RAPGEF2: variants seen among roughly 807,000 people sequenced by gnomAD.
The protein encoded by RAPGEF2 is PDZ domain containing guanine nucleotide exchange factor (GEF) 1.
In RAPGEF2, 54 loss-of-function variants were observed where a neutral mutation model predicts 186.7. The ratio of observed to expected loss-of-function variants is 0.29; its 90% CI spans 0.23 to 0.36. The LOEUF (loss-of-function observed/expected upper bound fraction) is 0.36, where lower values mean the gene tolerates loss of function less well. Ranked by LOEUF, RAPGEF2 falls within the 10% of genes least tolerant of loss-of-function variation. The pLI, the probability that RAPGEF2 is intolerant of heterozygous loss-of-function variation, is 1.00. For missense variants in RAPGEF2, 1,532 were observed against 2,045.0 expected (o/e 0.75, Z 4.84); for synonymous variants, 712 against 705.9 (o/e 1.01, Z -0.14).
Position 159,330,965 on chromosome 4 carries a change from A to G in RAPGEF2, c.1468-466A>G, listed in dbSNP as rs562968971. Among the ~76,000 whole-genome samples, 3 of 152,306 alleles carry G rather than the reference A, an allele frequency of 2.0e-5. No homozygotes were observed. In the East Asian group the frequency reaches 5.8e-4, roughly 29 times the overall value. On this transcript the variant is annotated intron_variant, in intron 13 of 29. Coordinates refer to ENST00000691494, the MANE Select transcript of RAPGEF2 (RefSeq NM_001394067.2). ...ACCATCTAGAGCTCTTGAGAGCTCTAAGGCCAGATTGGATGACAAACTACA... is the reference window on the plus strand; with the variant it reads ...ACCATCTAGAGCTCTTGAGAGCTCTGAGGCCAGATTGGATGACAAACTACA...
chr4:159,154,518 T>TAAA (rs200664622), intron 1 of RAPGEF2, among the ~76,000 whole-genome samples: 2 of 141,512 alleles, frequency 1.4e-5, no homozygotes, highest in African/African-American at 5.6e-5. Context: ...TTTTTTTTTT[T>TAAA]TAAAAAAAAC....
intron 17 of RAPGEF2, among the ~76,000 whole-genome samples, chr4:159,337,905 A>AAAAAAAAAAAC (rs1767675170): frequency 6.7e-6 from 1 of 148,396 alleles, no homozygotes; most frequent in Non-Finnish European, 1.5e-5. Flanking sequence ...AAAAAAAAAA[A>AAAAAAAAAAAC]AAAAAAAAGA....
At chr4:159,255,012 T>C (rs1755980054) in intron 7 of RAPGEF2, among the ~76,000 whole-genome samples, 1 of 152,218 alleles carries the variant, frequency 6.6e-6, no homozygotes, top group Non-Finnish European at 1.5e-5. Flanking sequence ...ACTGTAGCTT[T>C]TCCGTGTTTA....
At chr4:159,227,370 G>A (rs1178342884) in intron 4 of RAPGEF2, among the ~76,000 whole-genome samples, 1 of 152,202 alleles carries the variant, frequency 6.6e-6, no homozygotes, top group African/African-American at 2.4e-5. Flanking sequence ...TTGAAGATAA[G>A]ATATTAGAGC....
chr4:159,290,786 A>G (rs1164143914), intron 7 of RAPGEF2, among the ~76,000 whole-genome samples: 1 of 152,060 alleles, frequency 6.6e-6, no homozygotes, highest in Non-Finnish European at 1.5e-5. Flanking sequence ...AAAGAGAAAA[A>G]TCTATTAGAC....
intron 7 of RAPGEF2, among the ~76,000 whole-genome samples, chr4:159,292,839 A>C (rs117750331): frequency 0.011 from 1,690 of 152,308 alleles, 15 homozygotes; most frequent in East Asian, 0.035. Context: ...ATTTGAGTAG[A>C]TATTAGTGCT....
At chr4:159,231,336 T>G (rs1482257663) in intron 4 of RAPGEF2, among the ~76,000 whole-genome samples, 1 of 152,124 alleles carries the variant, frequency 6.6e-6, no homozygotes, top group Non-Finnish European at 1.5e-5. Flanking sequence ...TCTTAAGCAA[T>G]GCATGACTGT....
intron 4 of RAPGEF2, chr4:159,228,438 T>C (rs144625192): frequency 6.6e-6 from 1 of 152,312 alleles, no homozygotes; most frequent in Non-Finnish European, 1.5e-5. Flanking sequence ...GACAACAAAC[T>C]ACTGAGGAAT....
At chr4:159,152,905 C>T (rs562633636) in intron 1 of RAPGEF2, among the ~76,000 whole-genome samples, 53 of 152,282 alleles carry the variant, frequency 3.5e-4, no homozygotes, top group Middle Eastern at 3.4e-3. Flanking sequence ...CGTGAGCCAC[C>T]GTGCCTGGCC....
chr4:159,261,744 A>G (rs892268573), intron 7 of RAPGEF2, among the ~76,000 whole-genome samples: 9 of 152,162 alleles, frequency 5.9e-5, no homozygotes, highest in African/African-American at 2.2e-4. Context: ...TGATCATGTA[A>G]CCTGAGATTA....
rs565000948 is a variant in RAPGEF2 at position 159,120,052 on chromosome 4, C to T, written c.69+15821C>T. 1.7e-3 allele frequency among the ~76,000 whole-genome samples: 258 copies of T among 152,266 alleles called. 2 individuals carry two copies. The highest frequency in any genetic ancestry group is 3.4e-3 in the Middle Eastern group (1 of 294). On this transcript the variant is annotated intron_variant, in intron 1 of 29. Coordinates refer to ENST00000691494, the MANE Select transcript of RAPGEF2 (RefSeq NM_001394067.2). ...TTTGTTTGTTTTTTTGAGTCAGAGT[C>T]TCTGTTGTCCAGACTGGAGTGCAGT... is the stretch of plus-strand genomic sequence containing the variant.
At chr4:159,303,613 C>A (rs1271662505) in intron 7 of RAPGEF2, among the ~76,000 whole-genome samples, 1 of 150,702 alleles carries the variant, frequency 6.6e-6, no homozygotes, top group African/African-American at 2.5e-5. Context: ...AGAAAAGGGG[C>A]TCGGTAAATA....
At chr4:159,323,741 CAG>C (rs1765551647) in intron 11 of RAPGEF2, 124 bp downstream of exon 11, 3 of 467,052 alleles carry the variant, frequency 6.4e-6, no homozygotes, top group East Asian at 8.8e-5. Flanking sequence ...TTTTTTGAGA[CAG>C]AGTATTGTTC....
intron 10 of RAPGEF2, 55 bp from the exon 11 acceptor site, chr4:159,323,404 A>T: frequency 7.3e-7 from 1 of 1,374,214 alleles, no homozygotes; most frequent in Admixed American, 2.2e-5. Context: ...ACTGGCACTT[A>T]CAGCTGTATG....
At chr4:159,318,525 C>T (rs147989144) in intron 9 of RAPGEF2, among the ~76,000 whole-genome samples, 22 of 152,218 alleles carry the variant, frequency 1.4e-4, no homozygotes, top group African/African-American at 2.6e-4. Flanking sequence ...CATATTTTTG[C>T]GAGCTGCAGG....
intron 7 of RAPGEF2, among the ~76,000 whole-genome samples, chr4:159,287,886 A>G (rs995462888): frequency 6.6e-6 from 1 of 152,164 alleles, no homozygotes; most frequent in Non-Finnish European, 1.5e-5. Flanking sequence ...ATTATACTAA[A>G]TGAATCCTCA....
chr4:159,140,340 T>C (rs1742173692), intron 1 of RAPGEF2, among the ~76,000 whole-genome samples: 1 of 152,214 alleles, frequency 6.6e-6, no homozygotes, highest in Non-Finnish European at 1.5e-5. Context: ...ATTAAAAAAT[T>C]ACTCTTCCCC....
chr4:159,144,146 A>C (rs892859562), intron 1 of RAPGEF2, among the ~76,000 whole-genome samples: 1 of 152,152 alleles, frequency 6.6e-6, no homozygotes, highest in Non-Finnish European at 1.5e-5. Flanking sequence ...CTTCCAATCC[A>C]TGTTTTTAAT....
Position 159,346,844 on chromosome 4 carries a change from T to C in RAPGEF2, c.3558T>C (p.Ala1186=). 1 of 1,614,042 alleles carries C rather than the reference T, an allele frequency of 6.2e-7. No homozygotes were observed. Among genetic ancestry groups the C allele is most frequent in the Non-Finnish European group, 8.5e-7 (1 of 1,180,010 alleles). The change falls in exon 25 of 30, where the codon GCT becomes GCC. Residue 1186 remains alanine, a synonymous_variant. Coordinates refer to ENST00000691494, the MANE Select transcript of RAPGEF2 (RefSeq NM_001394067.2). The part of the protein sequence containing the change: ...KPVKSETSPV[A]PRAGSQQKAQ... ...TCAAATCCGAGACCTCTCCAGTAGC[T>C]CCAAGGGCAGGGTCACAACAGAAAG...
Sources: gnomAD v4.1 joint callset for allele counts (sites outside exome capture counted in the v4.1 genomes callset) on GRCh38, gnomAD v4.1.1 for gene constraint, MANE v1.5 for transcripts, NCBI Gene and HGNC (gene_info 2026-07-23, HGNC 2026-07-21) for gene names.